Variants in LRIF1 observed in about 807,000 individuals in gnomAD.
LRIF1 encodes the protein ligand-dependent nuclear receptor-interacting factor 1.
Under a neutral mutation model 52.7 loss-of-function variants are expected in LRIF1, and 32 were observed. The ratio of observed to expected loss-of-function variants is 0.61; its 90% confidence interval spans 0.46 to 0.82. The LOEUF (loss-of-function observed/expected upper bound fraction) is 0.82. LRIF1 is among the 40% of genes least tolerant of loss of function. The pLI, the probability that LRIF1 is intolerant of heterozygous loss-of-function variation, is 0.00. For synonymous variants in LRIF1, 323 were observed against 317.4 expected (o/e 1.02, Z -0.19); for missense variants, 887 against 892.0 (o/e 0.99, Z 0.07).
the LRIF1 span, among the ~76,000 whole-genome samples, chr1:110,924,659 T>C: frequency 6.6e-6 from 1 of 152,210 alleles, no homozygotes; most frequent in Non-Finnish European, 1.5e-5. Flanking sequence ...GTGACAATTA[T>C]GGGGATTATG....
At chr1:110,946,474 A>G (rs1238189858), downstream of LRIF1, among the ~76,000 whole-genome samples, 2 of 152,156 alleles carry the variant, frequency 1.3e-5, no homozygotes. Flanking sequence ...TGTGTACTTT[A>G]AAAAGCTGGA....
chr1:110,912,890 G>A, the LRIF1 span, among the ~76,000 whole-genome samples: 4 of 152,090 alleles, frequency 2.6e-5, no homozygotes, highest in Non-Finnish European at 5.9e-5. Flanking sequence ...TAAGCAAAAA[G>A]AACAAAGCTG....
intron 1 of LRIF1, among the ~76,000 whole-genome samples, chr1:110,953,634 T>G (rs1658572802): frequency 6.6e-6 from 1 of 152,174 alleles, no homozygotes; most frequent in African/African-American, 2.4e-5. Context: ...GAAAAATCAA[T>G]ATATACTAAT....
At chr1:110,950,227 T>C in intron 2 of LRIF1, 104 bp from the exon 3 acceptor site, 1 of 1,350,036 alleles carries the variant, frequency 7.4e-7, no homozygotes, top group South Asian at 1.5e-5. Flanking sequence ...GAACATATCA[T>C]GCTTTATGAT....
Position 110,951,326 on chromosome 1 carries a change from T to G in LRIF1, c.1558A>C (p.Thr520Pro), listed in dbSNP as rs750393804. 1.2e-6 allele frequency: 2 copies of G among 1,614,070 alleles called. No homozygotes were observed. The highest frequency in any genetic ancestry group is 4.5e-5 in the East Asian group (2 of 44,870). Residue 520 changes from threonine to proline, a missense_variant, in exon 2 of 4, where the codon ACT (threonine) becomes CCT (proline). Coordinates refer to ENST00000369763, the MANE Select transcript of LRIF1 (RefSeq NM_018372.4). ...ISSSVDATTV[T>P]SQQCVFRDQE... ...TCTCTGAAAACACACTGTTGTGAAG[T>G]AACAGTTGTTGCATCAACAGAGGAA...
chr1:110,876,435 T>G, the LRIF1 span, among the ~76,000 whole-genome samples: 2 of 152,230 alleles, frequency 1.3e-5, no homozygotes, highest in Non-Finnish European at 1.5e-5. Flanking sequence ...GATCTTAAGC[T>G]ACTATGCTAG....
chr1:110,960,240 A>T (rs1413396502), intron 1 of LRIF1, among the ~76,000 whole-genome samples: 2 of 152,214 alleles, frequency 1.3e-5, no homozygotes, highest in African/African-American at 4.8e-5. Flanking sequence ...TAACCCCATT[A>T]TAACAGGGTC....
the LRIF1 span, among the ~76,000 whole-genome samples, chr1:110,926,955 A>G: frequency 6.6e-6 from 1 of 152,206 alleles, no homozygotes; most frequent in Non-Finnish European, 1.5e-5. Context: ...ACCCAGACAT[A>G]TATGGACACT....
At chr1:110,931,908 G>A in the LRIF1 span, among the ~76,000 whole-genome samples, 1 of 150,752 alleles carries the variant, frequency 6.6e-6, no homozygotes, top group Non-Finnish European at 1.5e-5. Context: ...TGGGTAGATT[G>A]CAAAGATTTT....
chr1:110,894,381 C>A, the LRIF1 span: 1 of 1,613,744 alleles, frequency 6.2e-7, no homozygotes, highest in South Asian at 1.1e-5. Context: ...GGCCATCCTG[C>A]TCTTTGTATA....
At chr1:110,930,981 G>T in the LRIF1 span, among the ~76,000 whole-genome samples, 1 of 151,330 alleles carries the variant, frequency 6.6e-6, no homozygotes, top group Non-Finnish European at 1.5e-5. Flanking sequence ...TCAAAAGGCA[G>T]CATGACATTT....
At chr1:110,887,922 A>G in the LRIF1 span, among the ~76,000 whole-genome samples, 60 of 152,336 alleles carry the variant, frequency 3.9e-4, no homozygotes, top group Non-Finnish European at 6.8e-4. Flanking sequence ...GTTGTGATTA[A>G]ATCAAACATC....
the LRIF1 span, among the ~76,000 whole-genome samples, chr1:110,883,345 GACTA>G: frequency 6.6e-6 from 1 of 151,946 alleles, no homozygotes; most frequent in East Asian, 1.9e-4. Context: ...TCATTAATAT[GACTA>G]ATTAAGTAGT....
At chr1:110,919,426 G>C in the LRIF1 span, among the ~76,000 whole-genome samples, 3 of 139,976 alleles carry the variant, frequency 2.1e-5, no homozygotes, top group African/African-American at 8.3e-5. Context: ...CGGACTCCTA[G>C]TTCTTCAGTT....
intron 1 of LRIF1, among the ~76,000 whole-genome samples, chr1:110,957,492 A>AAAAAAAAAAAAAT (rs1658754191): frequency 1.3e-5 from 2 of 149,444 alleles, no homozygotes; most frequent in Non-Finnish European, 3.0e-5. Flanking sequence ...AAAAAAAAAA[A>AAAAAAAAAAAAAT]GACTGCAACA....
chr1:110,960,588 C>T (rs1019631840), intron 1 of LRIF1, among the ~76,000 whole-genome samples: 1 of 152,032 alleles, frequency 6.6e-6, no homozygotes, highest in African/African-American at 2.4e-5. Context: ...GTGATGCTTC[C>T]CAAATCTCTA....
At chr1:110,944,392 T>G (rs542789955), downstream of LRIF1, 1 of 152,246 alleles carries the variant, frequency 6.6e-6, no homozygotes, top group African/African-American at 2.4e-5. Flanking sequence ...CCAATAGAGA[T>G]ATTAAATAGG....
the LRIF1 span, chr1:110,892,687 G>A: frequency 6.1e-6 from 4 of 656,662 alleles, no homozygotes; most frequent in African/African-American, 5.4e-5. Context: ...CAGACCAATA[G>A]TATATTATGT....
downstream of LRIF1, chr1:110,944,001 C>T (rs962569131): frequency 2.0e-5 from 3 of 152,082 alleles, no homozygotes; most frequent in African/African-American, 7.2e-5. Flanking sequence ...AATGAGGAAA[C>T]ATTGAAGGGT....
Sources: gnomAD v4.1 joint callset for allele counts (sites outside exome capture counted in the v4.1 genomes callset) on GRCh38, gnomAD v4.1.1 for gene constraint, MANE v1.5 for transcripts, NCBI Gene and HGNC (gene_info 2026-07-23, HGNC 2026-07-21) for gene names.